IPP: variants seen among roughly 807,000 people sequenced by gnomAD.
IPP encodes the protein intracisternal A particle-promoted polypeptide, also known as actin-binding protein IPP.
In IPP, 41 loss-of-function variants were observed where a neutral mutation model predicts 64.1. The ratio of observed to expected loss-of-function variants is 0.64; its 90% CI spans 0.50 to 0.83. IPP has a LOEUF of 0.83. IPP is among the 40% of genes least tolerant of loss of function. IPP has a pLI of 0.00. For synonymous variants in IPP, 214 were observed against 235.2 expected (o/e 0.91, Z 0.83); for missense variants, 649 against 703.0 (o/e 0.92, Z 0.87).
chr1:45,749,803 A>C (rs1182384349), intron 1 of IPP, among the ~76,000 whole-genome samples: 2 of 151,916 alleles, frequency 1.3e-5, no homozygotes, highest in East Asian at 3.9e-4. Context: ...TACAGGCGTG[A>C]GCCACCGCGC....
chr1:45,745,882 A>AAAT (rs1401072242), intron 2 of IPP, among the ~76,000 whole-genome samples: 1 of 151,956 alleles, frequency 6.6e-6, no homozygotes, highest in East Asian at 1.9e-4. Flanking sequence ...GAATAAAATA[A>AAAT]AATAATAATA....
chr1:45,736,693 T>A (rs1202845162), intron 3 of IPP, among the ~76,000 whole-genome samples: 1 of 152,100 alleles, frequency 6.6e-6, no homozygotes, highest in Non-Finnish European at 1.5e-5. Context: ...ACTTCGGGAC[T>A]TGAATTAGAC....
downstream of IPP, among the ~76,000 whole-genome samples, chr1:45,698,429 A>G (rs1645406483): frequency 6.6e-6 from 1 of 152,208 alleles, no homozygotes; most frequent in South Asian, 2.1e-4. Flanking sequence ...ACAATTCTTT[A>G]GAATGCTTCT....
intron 3 of IPP, among the ~76,000 whole-genome samples, chr1:45,731,701 C>T (rs1645907878): frequency 6.6e-6 from 1 of 151,698 alleles, no homozygotes; most frequent in Middle Eastern, 3.4e-3. Context: ...TTTGGGAGGC[C>T]GAGGGGGGTG....
intron 8 of IPP, among the ~76,000 whole-genome samples, chr1:45,704,985 G>T (rs865978115): frequency 1.3e-5 from 2 of 152,200 alleles, no homozygotes; most frequent in African/African-American, 4.8e-5. Flanking sequence ...TTAAAAGTAG[G>T]TATAAATGAC....
At chr1:45,713,151 C>G (rs1569970773) in intron 8 of IPP, among the ~76,000 whole-genome samples, 1 of 152,160 alleles carries the variant, frequency 6.6e-6, no homozygotes, top group East Asian at 1.9e-4. Flanking sequence ...TTGGGGAGCG[C>G]AGTGGCTCCG....
rs139718857 is a variant in IPP, at chr1:45,700,082, A to T, written c.1639T>A (p.Phe547Ile). ...VSGGRSSSHD[F>I]LAPGTLDSVE... ...GAGTCCAAGGTACCTGGAGCCAAAAAATCATGGCTGGAAGATCGACCTCCA... is the reference window on the plus strand; with the variant it reads ...GAGTCCAAGGTACCTGGAGCCAAAATATCATGGCTGGAAGATCGACCTCCA... The change falls in exon 9 of 9, where the codon TTT becomes ATT. Residue 547 changes from phenylalanine to isoleucine, a missense_variant. Transcript: ENST00000396478. The T allele has an allele frequency of 3.4e-5, 55 of 1,614,046 alleles. No homozygotes were observed. Among genetic ancestry groups the T allele is most frequent in the Non-Finnish European group, 6.8e-6 (8 of 1,180,036 alleles).
rs537815481 is a variant in IPP at position 45,699,452 on chromosome 1, T to G, written c.*514A>C. On this transcript the variant is annotated 3_prime_UTR_variant, in exon 9 of 9. Transcript: ENST00000396478. Reference sequence around the variant, plus strand: ...TACAATTTATACTGCACTGGAGAAGTAGCTAAAGGGACTATTTGCCAGGAA... The same window carrying G: ...TACAATTTATACTGCACTGGAGAAGGAGCTAAAGGGACTATTTGCCAGGAA... 1 of 988,234 alleles carries G rather than the reference T, an allele frequency of 1.0e-6. No individual in the cohort carries two copies. Among genetic ancestry groups the G allele is most frequent in the South Asian group, 4.6e-5 (1 of 21,590 alleles). 61.2% of individuals were successfully genotyped at this position (988,234 alleles called of 1,614,324 possible). A position where few individuals can be genotyped will look rare whatever the true frequency, so the allele number is the denominator to read the frequency against.
chr1:45,749,733 G>A (rs1276726906), intron 1 of IPP, among the ~76,000 whole-genome samples: 1 of 151,656 alleles, frequency 6.6e-6, no homozygotes, highest in Non-Finnish European at 1.5e-5. Context: ...TGTTAGCCAG[G>A]ATGGTCTCGA....
At chr1:45,746,943 T>C (rs1646142338) in intron 1 of IPP, among the ~76,000 whole-genome samples, 1 of 152,164 alleles carries the variant, frequency 6.6e-6, no homozygotes, top group Non-Finnish European at 1.5e-5. Context: ...TGTTCAAATA[T>C]AACTTCCTCC....
intron 2 of IPP, 138 bp from the exon 3 acceptor site, chr1:45,741,470 A>G: frequency 1.6e-6 from 1 of 615,908 alleles, no homozygotes; most frequent in Non-Finnish European, 2.8e-6. Context: ...GCAATCAAGG[A>G]TTTGAGTAAA....
In IPP at chr1:45,699,186, A is replaced by T; in HGVS notation, c.*780T>A. ...AAAACTTATCATCAAGCAAAAAGGT[A>T]TCTATCTATTAAAATAGCTAGATAT... On this transcript the variant is annotated 3_prime_UTR_variant, in exon 9 of 9. Coordinates refer to ENST00000396478, the MANE Select transcript of IPP (RefSeq NM_005897.3). The T allele has an allele frequency of 1.0e-6, 1 of 985,406 alleles. No individual in the cohort carries two copies. The allele number at this position is 985,406 out of a possible 1,614,324, so 61.0% of individuals were successfully genotyped here.
intron 8 of IPP, 31 bp downstream of exon 8, chr1:45,714,215 G>A (rs1645627954): frequency 7.1e-7 from 1 of 1,406,142 alleles, no homozygotes; most frequent in South Asian, 1.2e-5. Flanking sequence ...AGAATATCAG[G>A]ATACTAAATA....
intron 1 of IPP, among the ~76,000 whole-genome samples, chr1:45,750,190 A>G (rs2148589620): frequency 6.6e-6 from 1 of 152,346 alleles, no homozygotes; most frequent in Middle Eastern, 3.4e-3. Flanking sequence ...AATCCCCGGA[A>G]CAAGTGTCAA....
At chr1:45,707,447 T>C (rs1238623759) in intron 8 of IPP, among the ~76,000 whole-genome samples, 2 of 129,684 alleles carry the variant, frequency 1.5e-5, no homozygotes, top group African/African-American at 5.6e-5. Flanking sequence ...AAAAAAGACA[T>C]GACTTTAAAA....
At chr1:45,694,745 T>C (rs1249449187), downstream of IPP, 1 of 420,936 alleles carries the variant, frequency 2.4e-6, no homozygotes, top group African/African-American at 2.0e-5. Flanking sequence ...AACTTGTCCC[T>C]TACCACCAAA....
Position 45,698,837 on chromosome 1 carries a change from G to T in IPP, c.*1129C>A. The T allele has an allele frequency of 3.4e-6, 1 of 293,708 alleles. No homozygotes were observed. Among genetic ancestry groups the T allele is most frequent in the Non-Finnish European group, 5.0e-6 (1 of 199,658 alleles). 18.2% of individuals were successfully genotyped at this position (293,708 alleles called of 1,614,324 possible). The stretch of plus-strand genomic sequence containing the variant: ...GGGCTCAAGTGATCCTGCAACCTCA[G>T]CCTCCCAAGCAGATGGGACCACAGG... On this transcript the variant is annotated 3_prime_UTR_variant, in exon 9 of 9. Transcript: ENST00000396478.
chr1:45,700,842 G>C (rs1009042306), intron 8 of IPP, among the ~76,000 whole-genome samples: 1 of 152,204 alleles, frequency 6.6e-6, no homozygotes. Context: ...GAACCACAAA[G>C]CTCCAAGGAG....
At chr1:45,727,026 G>A (rs1458383492) in intron 5 of IPP, among the ~76,000 whole-genome samples, 2 of 152,060 alleles carry the variant, frequency 1.3e-5, no homozygotes, top group South Asian at 2.1e-4. Flanking sequence ...CACTACGCCA[G>A]GCAGGTGCCA....
Sources: allele counts gnomAD v4.1 joint callset (sites outside exome capture counted in the v4.1 genomes callset), GRCh38; gene constraint gnomAD v4.1.1; transcripts MANE v1.5; gene names NCBI Gene and HGNC (gene_info 2026-07-23, HGNC 2026-07-21).